Variants in WDR1 observed in about 807,000 individuals in gnomAD.
WDR1 encodes the protein WD repeat domain 1.
WDR1 carries 21 observed loss-of-function variants against 71.9 expected under a neutral mutation model. The ratio of observed to expected loss-of-function variants is 0.29; its 90% CI spans 0.21 to 0.42. The LOEUF is 0.42. WDR1 is among the 10% of genes least tolerant of loss of function. The probability of loss-of-function intolerance (pLI) is 1.00; values close to 1 mark genes in which losing one functional copy is unlikely to be tolerated. For synonymous variants in WDR1, 424 were observed against 347.4 expected, an observed-to-expected ratio of 1.22 and a Z score of -2.45; for missense variants, 696 against 824.5, an observed-to-expected ratio of 0.84 and a Z score of 1.91.
intron 8 of WDR1, among the ~76,000 whole-genome samples, chr4:10,087,283 G>T (rs1192972675): frequency 1.3e-5 from 2 of 152,244 alleles, no homozygotes; most frequent in Non-Finnish European, 2.9e-5. Context: ...CCTCCCTCCT[G>T]CCCCTGGACC....
intron 2 of WDR1, among the ~76,000 whole-genome samples, chr4:10,110,896 G>A (rs944615051): frequency 6.6e-6 from 1 of 152,298 alleles, no homozygotes; most frequent in East Asian, 1.9e-4. Flanking sequence ...GGAATGAGGT[G>A]GGGGAAATTA....
chr4:10,105,769 AG>A (rs1245154634), intron 2 of WDR1, among the ~76,000 whole-genome samples: 2 of 152,234 alleles, frequency 1.3e-5, no homozygotes, highest in East Asian at 3.8e-4. Flanking sequence ...CCCCACTCCT[AG>A]GTATCTGCCC....
intron 2 of WDR1, among the ~76,000 whole-genome samples, chr4:10,109,714 C>T (rs1577078656): frequency 6.6e-6 from 1 of 152,238 alleles, no homozygotes; most frequent in African/African-American, 2.4e-5. Flanking sequence ...CCCTCTCCTA[C>T]TCCCCACCCA....
intron 3 of WDR1, among the ~76,000 whole-genome samples, chr4:10,100,513 G>A (rs1313022815): frequency 1.3e-5 from 2 of 152,250 alleles, no homozygotes; most frequent in Non-Finnish European, 2.9e-5. Context: ...GGCAGACACA[G>A]CCCGAGCCTA....
chr4:10,080,846 C>T (rs190523194), intron 11 of WDR1, among the ~76,000 whole-genome samples: 1 of 152,356 alleles, frequency 6.6e-6, no homozygotes, highest in East Asian at 1.9e-4. Flanking sequence ...TGCTCTAGGC[C>T]TCAGCCTCCT....
chr4:10,104,086 A>G, intron 2 of WDR1, 100 bp from the exon 3 acceptor site: 1 of 1,252,542 alleles, frequency 8.0e-7, no homozygotes, highest in Non-Finnish European at 1.1e-6. Context: ...GTGTACAAAG[A>G]AACACTGAAG....
At chr4:10,103,804 CT>C in intron 3 of WDR1, 91 bp downstream of exon 3, 1 of 718,558 alleles carries the variant, frequency 1.4e-6, no homozygotes, top group East Asian at 3.8e-5. Flanking sequence ...CCTCCTCCCA[CT>C]CTCCCAAGGC....
intron 2 of WDR1, among the ~76,000 whole-genome samples, chr4:10,110,682 G>C (rs1713296668): frequency 6.6e-6 from 1 of 152,324 alleles, no homozygotes; most frequent in South Asian, 2.1e-4. Context: ...AGAGCACCCA[G>C]GGCATTGTTC....
In WDR1 at chr4:10,109,642, C is replaced by A. The variant is rs146692240; in HGVS notation, c.139-5656G>T. Among the ~76,000 whole-genome samples the A allele has an allele frequency of 3.1e-4, 47 of 152,366 alleles. No individual in the cohort carries two copies. In the East Asian group the frequency reaches 8.9e-3, roughly 29 times the overall value. The stretch of plus-strand genomic sequence containing the variant: ...GGGGTACTCACCGTGTGGCCCTGCA[C>A]AGCAGCACCCCTCATTGGACTACGT... On this transcript the variant is annotated intron_variant, in intron 2 of 14. Coordinates refer to ENST00000499869, the MANE Select transcript of WDR1 (RefSeq NM_017491.5).
intron 5 of WDR1, among the ~76,000 whole-genome samples, 152 bp from the exon 6 acceptor site, chr4:10,088,893 T>A (rs566255515): frequency 6.6e-6 from 1 of 152,350 alleles, no homozygotes; most frequent in Admixed American, 6.5e-5. Context: ...AAAAACATCC[T>A]GGGCAGTCCC....
chr4:10,097,697 G>GTAAGTTCAC lies in WDR1; in HGVS notation c.558+5_558+13dup. On this transcript the variant is annotated intron_variant, in intron 5 of 14. Transcript: ENST00000499869. ...ACAAACCACAAATTTCACCCAAAAA[G>GTAAGTTCAC]TAAGTTCACTTACGCCAATTGTGAA... 6.2e-7 allele frequency: 1 copy of GTAAGTTCAC among 1,602,412 alleles called. No individual in the cohort carries two copies. Among genetic ancestry groups the GTAAGTTCAC allele is most frequent in the Non-Finnish European group, 8.5e-7 (1 of 1,171,558 alleles).
intron 2 of WDR1, among the ~76,000 whole-genome samples, chr4:10,111,621 T>C (rs1713369356): frequency 6.6e-6 from 1 of 152,190 alleles, no homozygotes; most frequent in Non-Finnish European, 1.5e-5. Flanking sequence ...AATGGCCATC[T>C]GGATACACGC....
At chr4:10,102,253 G>A (rs1227506662) in intron 3 of WDR1, among the ~76,000 whole-genome samples, 1 of 152,208 alleles carries the variant, frequency 6.6e-6, no homozygotes, top group Non-Finnish European at 1.5e-5. Flanking sequence ...GCCCCAGTTT[G>A]GAAGAGAAAA....
At chr4:10,111,516 C>T (rs566661214) in intron 2 of WDR1, among the ~76,000 whole-genome samples, 1 of 152,340 alleles carries the variant, frequency 6.6e-6, no homozygotes, top group African/African-American at 2.4e-5. Context: ...TAATCCAACG[C>T]ACCACTTCCT....
intron 12 of WDR1, among the ~76,000 whole-genome samples, chr4:10,078,215 G>T (rs776802730): frequency 6.6e-6 from 1 of 152,222 alleles, no homozygotes; most frequent in Non-Finnish European, 1.5e-5. Context: ...GGCACCTGAA[G>T]GACCTGGCAG....
chr4:10,100,922 C>T (rs1042037381), intron 3 of WDR1, among the ~76,000 whole-genome samples: 2 of 152,240 alleles, frequency 1.3e-5, no homozygotes, highest in South Asian at 4.1e-4. Context: ...ACGTGGTCTG[C>T]TATGCTCAGG....
At chr4:10,087,103 A>G (rs1711624576) in intron 8 of WDR1, among the ~76,000 whole-genome samples, 1 of 152,212 alleles carries the variant, frequency 6.6e-6, no homozygotes, top group South Asian at 2.1e-4. Context: ...GCTCCTCCCC[A>G]GGTTGGCATT....
chr4:10,107,990 GGC>G (rs1288902298), intron 2 of WDR1, among the ~76,000 whole-genome samples: 11 of 152,138 alleles, frequency 7.2e-5, no homozygotes, highest in Non-Finnish European at 1.3e-4. Context: ...TGTGCACTGA[GGC>G]ATCCTGCCCA....
At chr4:10,085,296 TGC>T (rs1765168801) in intron 8 of WDR1, among the ~76,000 whole-genome samples, 1 of 152,274 alleles carries the variant, frequency 6.6e-6, no homozygotes, top group East Asian at 1.9e-4. Flanking sequence ...CTCTGTGGTA[TGC>T]CACATGTTGC....
Sources: allele counts gnomAD v4.1 joint callset (sites outside exome capture counted in the v4.1 genomes callset), GRCh38; gene constraint gnomAD v4.1.1; transcripts MANE v1.5; gene names NCBI Gene and HGNC (gene_info 2026-07-23, HGNC 2026-07-21).